Variants in GPC3 observed in about 807,000 individuals in gnomAD.
GPC3 encodes the protein glypican-3.
GPC3 carries 3 observed loss-of-function variants against 34.4 expected under a neutral mutation model. The ratio of observed to expected loss-of-function variants is 0.09; its 90% confidence interval spans 0.04 to 0.23. GPC3 has a LOEUF of 0.23. Among genes scored for constraint, GPC3 ranks in the 10% least tolerant of loss-of-function variants. GPC3 has a pLI of 1.00. For missense variants in GPC3, 351 were observed against 445.6 expected, an observed-to-expected ratio of 0.79 and a Z score of 1.91; for synonymous variants, 177 against 174.0, an observed-to-expected ratio of 1.02 and a Z score of -0.13.
At chrX:133,772,693 C>T (rs2071935994) in intron 2 of GPC3, among the ~76,000 whole-genome samples, 1 of 111,987 alleles carries the variant, frequency 8.9e-6, no homozygotes, top group Non-Finnish European at 1.9e-5. Flanking sequence ...GTAACAAGAA[C>T]AATGATGACA....
chrX:133,854,010 A>G (rs776840459), intron 2 of GPC3, among the ~76,000 whole-genome samples: 42 of 112,243 alleles, frequency 3.7e-4, no homozygotes, highest in Non-Finnish European at 7.1e-4. Context: ...TTTACCAAGT[A>G]GAAAAGTGAA....
chrX:133,777,771 T>C lies in GPC3; in HGVS notation c.338-23595A>G, dbSNP rs186431277. 4.5e-5 allele frequency among the ~76,000 whole-genome samples: 5 copies of C among 111,294 alleles called. No homozygotes were observed. The East Asian group carries it at 8.5e-4, about 19-fold the overall frequency. ...ACTGTCAATTCAGAGTTTCTAGGCA[T>C]TGGTCACAAGAATCTTTATTTTAAC... is the stretch of plus-strand genomic sequence containing the variant. On this transcript the variant is annotated intron_variant, in intron 2 of 7. Coordinates refer to ENST00000370818, the MANE Select transcript of GPC3 (RefSeq NM_004484.4).
At chrX:133,643,321 C>T (rs1216661583) in intron 6 of GPC3, among the ~76,000 whole-genome samples, 1 of 111,733 alleles carries the variant, frequency 8.9e-6, no homozygotes, top group Non-Finnish European at 1.9e-5. Context: ...GTTGCCTCCT[C>T]ACAGAAGCTA....
At chrX:133,886,184 TCAGA>T (rs2076060825) in intron 2 of GPC3, among the ~76,000 whole-genome samples, 1 of 110,615 alleles carries the variant, frequency 9.0e-6, no homozygotes, top group Non-Finnish European at 1.9e-5. Context: ...AAATTGAGGC[TCAGA>T]CAGTCTCAAT....
chrX:133,890,111 T>C (rs2076080122), intron 2 of GPC3, among the ~76,000 whole-genome samples: 1 of 111,066 alleles, frequency 9.0e-6, no homozygotes, highest in African/African-American at 3.3e-5. Flanking sequence ...TTTATAAAAA[T>C]GGAATCACAC....
chrX:133,855,156 T>G (rs1177950943), intron 2 of GPC3, among the ~76,000 whole-genome samples: 1 of 110,858 alleles, frequency 9.0e-6, no homozygotes, highest in African/African-American at 3.3e-5. Context: ...TCTCTTCTCT[T>G]CTCTTCTCTT....
chrX:133,943,553 T>C (rs2076353505), intron 2 of GPC3, among the ~76,000 whole-genome samples: 1 of 112,449 alleles, frequency 8.9e-6, no homozygotes, highest in African/African-American at 3.2e-5. Flanking sequence ...AGTCTCCTTA[T>C]GGGATTAATA....
chrX:133,595,008 G>A (rs887252236), intron 7 of GPC3, among the ~76,000 whole-genome samples: 1 of 110,967 alleles, frequency 9.0e-6, no homozygotes, highest in South Asian at 3.9e-4. Flanking sequence ...GCAGTGAGGT[G>A]TGAAAGCGCC....
chrX:133,812,001 C>T (rs989227554), intron 2 of GPC3, among the ~76,000 whole-genome samples: 3 of 111,834 alleles, frequency 2.7e-5, no homozygotes, highest in African/African-American at 9.8e-5. Context: ...AACAGTGGTG[C>T]AAAATTGATA....
chrX:133,544,984 T>C (rs2069370883), intron 7 of GPC3, among the ~76,000 whole-genome samples: 1 of 111,835 alleles, frequency 8.9e-6, no homozygotes, highest in Admixed American at 9.5e-5. Context: ...AGCAGTGTCA[T>C]GACCACTCCT....
intron 7 of GPC3, among the ~76,000 whole-genome samples, chrX:133,569,610 G>A (rs2069608618): frequency 8.9e-6 from 1 of 112,005 alleles, no homozygotes; most frequent in African/African-American, 3.2e-5. Context: ...AACCAGACAG[G>A]CTTTATATTT....
chrX:133,749,085 C>A (rs2071635262), intron 3 of GPC3, among the ~76,000 whole-genome samples: 2 of 111,112 alleles, frequency 1.8e-5, no homozygotes, highest in African/African-American at 6.6e-5. Context: ...TAGTGAAACC[C>A]CGTCTCTACA....
intron 2 of GPC3, among the ~76,000 whole-genome samples, chrX:133,946,763 T>C (rs1468303802): frequency 1.8e-5 from 2 of 110,903 alleles, no homozygotes; most frequent in Non-Finnish European, 1.9e-5. Context: ...CATCTGCATA[T>C]GATAAATGAG....
chrX:133,654,957 T>C (rs779409556), intron 6 of GPC3, among the ~76,000 whole-genome samples: 2 of 111,674 alleles, frequency 1.8e-5, no homozygotes, highest in Admixed American at 9.6e-5. Flanking sequence ...GAAAAGTTCA[T>C]GTATTTCCCT....
intron 6 of GPC3, among the ~76,000 whole-genome samples, chrX:133,655,153 G>A (rs2070643588): frequency 1.8e-5 from 2 of 111,233 alleles, no homozygotes; most frequent in Non-Finnish European, 3.8e-5. Flanking sequence ...AAGAAATTTA[G>A]TATGAAATAC....
At chrX:133,713,511 G>A (rs1252368223) in intron 3 of GPC3, among the ~76,000 whole-genome samples, 1 of 112,390 alleles carries the variant, frequency 8.9e-6, no homozygotes, top group Non-Finnish European at 1.9e-5. Context: ...GAAATGGGAA[G>A]TATGCATAAA....
chrX:133,709,040 A>T (rs1298635324), intron 3 of GPC3, among the ~76,000 whole-genome samples: 2 of 111,845 alleles, frequency 1.8e-5, no homozygotes, highest in African/African-American at 6.5e-5. Flanking sequence ...TTTAAACTTA[A>T]TTGGCCATGT....
intron 3 of GPC3, among the ~76,000 whole-genome samples, chrX:133,708,035 T>C (rs1194757253): frequency 2.7e-5 from 3 of 111,835 alleles, no homozygotes; most frequent in African/African-American, 6.5e-5. Context: ...AAAATAAATA[T>C]GGATAGATTC....
At chrX:133,945,056 G>A (rs1462468673) in intron 2 of GPC3, among the ~76,000 whole-genome samples, 1 of 112,014 alleles carries the variant, frequency 8.9e-6, no homozygotes, top group Non-Finnish European at 1.9e-5. Flanking sequence ...TACAGGTATA[G>A]ACAAGGAGTC....
Sources: gnomAD v4.1 joint callset for allele counts (sites outside exome capture counted in the v4.1 genomes callset) on GRCh38, gnomAD v4.1.1 for gene constraint, MANE v1.5 for transcripts, NCBI Gene and HGNC (gene_info 2026-07-23, HGNC 2026-07-21) for gene names.